DKK2: variants seen among roughly 807,000 people sequenced by gnomAD.
The protein encoded by DKK2 is dickkopf-related protein 2.
In DKK2, 11 loss-of-function variants were observed where a neutral mutation model predicts 28.1. The observed-to-expected ratio is 0.39, with a 90% CI of 0.25 to 0.65. The LOEUF (loss-of-function observed/expected upper bound fraction) is 0.65. Among genes scored for constraint, DKK2 ranks in the 30% least tolerant of loss-of-function variants. DKK2 has a pLI of 0.47. For synonymous variants in DKK2, 135 were observed against 126.5 expected, an observed-to-expected ratio of 1.07 and a Z score of -0.45; for missense variants, 326 against 335.5, an observed-to-expected ratio of 0.97 and a Z score of 0.22.
intron 1 of DKK2, among the ~76,000 whole-genome samples, chr4:106,969,382 T>C (rs1347675740): frequency 1.3e-5 from 2 of 152,050 alleles, no homozygotes; most frequent in South Asian, 2.1e-4. Context: ...GTAGTACTAA[T>C]GGTTCTCTCT....
chr4:107,035,630 G>A lies in DKK2; in HGVS notation c.-39C>T, dbSNP rs1282901776. 1.2e-6 allele frequency: 2 copies of A among 1,607,246 alleles called. No homozygotes were observed. Among genetic ancestry groups the A allele is most frequent in the African/African-American group, 2.7e-5 (2 of 74,868 alleles). ...GGTCCCCAGGAAGACGCAAAGCCCG[G>A]AGGGGTGGGAATGCAAAGGGAGGGA... On this transcript the variant is annotated 5_prime_UTR_variant, in exon 1 of 4. Coordinates refer to ENST00000285311, the MANE Select transcript of DKK2 (RefSeq NM_014421.3).
chr4:106,965,432 T>G (rs1722762312), intron 1 of DKK2, among the ~76,000 whole-genome samples: 1 of 152,078 alleles, frequency 6.6e-6, no homozygotes. Context: ...TTTTCTCACT[T>G]AAAAAGCAAT....
At chr4:106,999,769 A>G (rs1052307390) in intron 1 of DKK2, among the ~76,000 whole-genome samples, 13 of 152,208 alleles carry the variant, frequency 8.5e-5, no homozygotes, top group Non-Finnish European at 1.5e-5. Flanking sequence ...TAATTTAAAA[A>G]TATACATCAA....
intron 1 of DKK2, among the ~76,000 whole-genome samples, chr4:106,975,835 G>A (rs1025471368): frequency 6.6e-6 from 1 of 152,088 alleles, no homozygotes; most frequent in Non-Finnish European, 1.5e-5. Context: ...TAATATTAGG[G>A]TGCTGATTTT....
At chr4:106,940,367 A>G (rs1278532298) in intron 1 of DKK2, among the ~76,000 whole-genome samples, 2 of 152,150 alleles carry the variant, frequency 1.3e-5, no homozygotes, top group Admixed American at 1.3e-4. Context: ...AATGCTCATC[A>G]TCACTGGCCG....
intron 1 of DKK2, among the ~76,000 whole-genome samples, chr4:106,956,477 C>T (rs890057560): frequency 2.6e-5 from 4 of 152,178 alleles, no homozygotes; most frequent in Non-Finnish European, 5.9e-5. Flanking sequence ...AAGCTGGAGG[C>T]ATCACACTAC....
At chr4:106,999,592 G>A (rs1028227643) in intron 1 of DKK2, among the ~76,000 whole-genome samples, 19 of 152,060 alleles carry the variant, frequency 1.2e-4, no homozygotes, top group Non-Finnish European at 2.2e-4. Context: ...TGATCCACCC[G>A]CCTTGGCCTC....
In DKK2 at chr4:106,988,165, A is replaced by G. The variant is rs1034617143; in HGVS notation, c.222+47205T>C. Among the ~76,000 whole-genome samples the G allele has an allele frequency of 2.6e-5, 4 of 152,270 alleles. No individual in the cohort carries two copies. The South Asian group carries it at 8.3e-4, about 32-fold the overall frequency. ...AGGCGTGAGCCACCGCACCCGGCCC[A>G]ATGTTACCCTCTTCTTGCAGATGAG... On this transcript the variant is annotated intron_variant, in intron 1 of 3. Coordinates refer to ENST00000285311, the MANE Select transcript of DKK2 (RefSeq NM_014421.3).
At position 107,034,078 on chromosome 4, in the gene DKK2, T is replaced by A. The variant is rs139632987; in HGVS notation, c.222+1292A>T. Among the ~76,000 whole-genome samples the A allele has an allele frequency of 2.2e-3, 336 of 152,258 alleles. 2 individuals are homozygous for A. Among genetic ancestry groups the A allele is most frequent in the Middle Eastern group, 0.014 (4 of 294 alleles). On this transcript the variant is annotated intron_variant, in intron 1 of 3. Coordinates refer to ENST00000285311, the MANE Select transcript of DKK2 (RefSeq NM_014421.3). ...AAAGCTCTGGGAAGAGTTCTGGAAC[T>A]GCAAAACTAGCAAAACTGCAAAATT...
chr4:106,929,934 T>G (rs916902141), intron 1 of DKK2, among the ~76,000 whole-genome samples: 1 of 152,060 alleles, frequency 6.6e-6, no homozygotes, highest in African/African-American at 2.4e-5. Context: ...CTAAGAGCAA[T>G]TAATAGTGAG....
intron 1 of DKK2, among the ~76,000 whole-genome samples, chr4:106,974,091 T>C (rs904354879): frequency 2.0e-5 from 3 of 152,152 alleles, no homozygotes; most frequent in South Asian, 2.1e-4. Context: ...TTATGTTCCA[T>C]TGGTCTATAT....
chr4:107,002,871 C>T (rs1723379154), intron 1 of DKK2, among the ~76,000 whole-genome samples: 2 of 152,130 alleles, frequency 1.3e-5, no homozygotes, highest in African/African-American at 2.4e-5. Flanking sequence ...TCTTTCTTTC[C>T]TATAAAATGG....
chr4:106,952,464 C>T (rs1252290181), intron 1 of DKK2, among the ~76,000 whole-genome samples: 1 of 152,182 alleles, frequency 6.6e-6, no homozygotes, highest in East Asian at 1.9e-4. Flanking sequence ...TTGAATTTTC[C>T]AACTTAAACG....
At chr4:107,005,095 C>A (rs1358188078) in intron 1 of DKK2, among the ~76,000 whole-genome samples, 1 of 152,128 alleles carries the variant, frequency 6.6e-6, no homozygotes, top group Non-Finnish European at 1.5e-5. Flanking sequence ...GTAATCCCAG[C>A]ACTTTGGAAG....
chr4:106,994,439 C>G (rs1723244049), intron 1 of DKK2, among the ~76,000 whole-genome samples: 1 of 151,836 alleles, frequency 6.6e-6, no homozygotes, highest in Non-Finnish European at 1.5e-5. Flanking sequence ...CTGTCTCTCT[C>G]GCTCTCTTTT....
At chr4:106,928,205 A>T (rs2110339602) in intron 1 of DKK2, among the ~76,000 whole-genome samples, 1 of 152,274 alleles carries the variant, frequency 6.6e-6, no homozygotes, top group Middle Eastern at 3.4e-3. Flanking sequence ...CTTATATTTG[A>T]ATGGGATTAC....
At chr4:106,929,769 G>A (rs1212344839) in intron 1 of DKK2, among the ~76,000 whole-genome samples, 1 of 152,130 alleles carries the variant, frequency 6.6e-6, no homozygotes, top group East Asian at 1.9e-4. Flanking sequence ...TTTAAAGTCT[G>A]TTTCCTCTGT....
chr4:106,974,579 G>A (rs10134302), intron 1 of DKK2, among the ~76,000 whole-genome samples: 4 of 152,150 alleles, frequency 2.6e-5, no homozygotes, highest in South Asian at 2.1e-4. Context: ...TGTGATTTTC[G>A]CACATTGATT....
chr4:106,935,717 T>A (rs1724574900), intron 1 of DKK2, among the ~76,000 whole-genome samples: 1 of 152,162 alleles, frequency 6.6e-6, no homozygotes, highest in Admixed American at 6.5e-5. Context: ...AATGTCCCTG[T>A]CTGACAGCTT....
Sources: allele counts gnomAD v4.1 joint callset (sites outside exome capture counted in the v4.1 genomes callset), GRCh38; gene constraint gnomAD v4.1.1; transcripts MANE v1.5; gene names NCBI Gene and HGNC (gene_info 2026-07-23, HGNC 2026-07-21).